The following EVC variants were observed in gnomAD, a reference collection of about 807,000 sequenced individuals.
EVC encodes evC complex member EVC.
In EVC, 116 loss-of-function variants were observed where a neutral mutation model predicts 118.9. That is an observed-to-expected ratio of 0.98 (90% CI 0.84 to 1.14). The LOEUF is 1.14. EVC is among the 50% of genes most tolerant of loss of function. The pLI is 0.00. For missense variants in EVC, 1,401 were observed against 1,246.4 expected (o/e 1.12, Z -1.87); for synonymous variants, 619 against 534.7 (o/e 1.16, Z -2.18).
chr4:5,805,722 A>G (rs543649930), intron 17 of EVC, among the ~76,000 whole-genome samples: 1 of 152,202 alleles, frequency 6.6e-6, no homozygotes, highest in African/African-American at 2.4e-5. Flanking sequence ...GATCCAAGAG[A>G]AGGAGCCTCA....
rs1039097904 is a variant in EVC, at chr4:5,738,436, G to A, written c.703-3280G>A. On this transcript the variant is annotated intron_variant, in intron 5 of 20. Coordinates refer to ENST00000264956, the MANE Select transcript of EVC (RefSeq NM_153717.3). The surrounding 1 kb of genome is among the most constrained non-coding windows in gnomAD (Gnocchi z 6.5). ...AAATTGCTATCGAATAGCATGGCAC[G>A]CTGCAGAGAAATCTTTTGTGAAAGG... 1.3e-5 allele frequency among the ~76,000 whole-genome samples: 2 copies of A among 152,068 alleles called. No homozygotes were observed. The highest frequency in any genetic ancestry group is 6.6e-5 in the Admixed American group (1 of 15,254).
intron 11 of EVC, among the ~76,000 whole-genome samples, chr4:5,764,595 A>G (rs1162993387): frequency 6.7e-6 from 1 of 150,218 alleles, no homozygotes; most frequent in African/African-American, 2.5e-5. Flanking sequence ...TTATTGGTCT[A>G]TTCAGAGATT....
Position 5,797,243 on chromosome 4 carries a change from C to T in EVC, c.2097+11C>T. The stretch of plus-strand genomic sequence containing the variant: ...CTGCTCAGGGCCCTGGTAAGACCAG[C>T]ATGGTGGCCCCACCCATTCCAGACA... On this transcript the variant is annotated intron_variant, in intron 14 of 20. Coordinates refer to ENST00000264956, the MANE Select transcript of EVC (RefSeq NM_153717.3). The T allele has an allele frequency of 1.3e-6, 2 of 1,594,018 alleles. No homozygotes were observed. The highest frequency in any genetic ancestry group is 8.5e-7 in the Non-Finnish European group (1 of 1,170,472).
the EVC span, chr4:5,821,328 G>C: frequency 6.0e-6 from 1 of 167,298 alleles, no homozygotes; most frequent in Non-Finnish European, 1.3e-5. The surrounding 1 kb of genome is among the most constrained non-coding windows in gnomAD (Gnocchi z 4.4). Context: ...GTCTCAGTCA[G>C]TCCTTGGCGA....
chr4:5,761,218 A>C (rs1408164440), intron 11 of EVC, among the ~76,000 whole-genome samples: 1 of 152,024 alleles, frequency 6.6e-6, no homozygotes, highest in Admixed American at 6.5e-5. Flanking sequence ...GACCTGGCAC[A>C]TGGTAGGTGC....
chr4:5,808,734 G>A (rs1305526113), intron 18 of EVC, among the ~76,000 whole-genome samples: 1 of 152,230 alleles, frequency 6.6e-6, no homozygotes, highest in African/African-American at 2.4e-5. Flanking sequence ...CAGCAAACAG[G>A]AAGCTCAGCT....
chr4:5,711,895 G>T lies in EVC; in HGVS notation c.174+341G>T, dbSNP rs1436535888. The stretch of plus-strand genomic sequence containing the variant: ...CGCCATGGTGGACAGAAGGACGGCT[G>T]GGGCTCCCACGCCTGAATGCCTATT... On this transcript the variant is annotated intron_variant, in intron 1 of 20. Coordinates refer to ENST00000264956, the MANE Select transcript of EVC (RefSeq NM_153717.3). Among the ~76,000 whole-genome samples, 3 of 152,206 alleles carry T rather than the reference G, an allele frequency of 2.0e-5. No homozygotes were observed. The East Asian group carries it at 5.8e-4, about 29-fold the overall frequency.
Position 5,753,840 on chromosome 4 carries a change from G to T in EVC, c.1371G>T (p.Glu457Asp). ...CGGCGTCTCTGGCTCACCAGGTGGAGGGAACGGCAAAACTCACGCTGGCCC... is the reference window on the plus strand; with the variant it reads ...CGGCGTCTCTGGCTCACCAGGTGGATGGAACGGCAAAACTCACGCTGGCCC... ...LVTASLAHQVEGTAKLTLAQE... is the reference protein window; with the variant it reads ...LVTASLAHQVDGTAKLTLAQE... The change falls in exon 10 of 21, where the codon GAG (glutamate) becomes GAT (aspartate). Residue 457 changes from glutamate (E) to aspartate (D), a missense_variant. By Grantham distance (45) the Glu-to-Asp change is conservative (BLOSUM62 2). Transcript: ENST00000264956. 6.2e-7 allele frequency: 1 copy of T among 1,614,116 alleles called. No individual in the cohort carries two copies. Among genetic ancestry groups the T allele is most frequent in the Non-Finnish European group, 8.5e-7 (1 of 1,180,006 alleles).
At chr4:5,751,122 G>A (rs1405940111) in intron 8 of EVC, among the ~76,000 whole-genome samples, 1 of 152,182 alleles carries the variant, frequency 6.6e-6, no homozygotes, top group Non-Finnish European at 1.5e-5. Context: ...CACTCAGGGA[G>A]GCTCACTGTT....
chr4:5,820,943 C>T, the EVC span: 1 of 152,298 alleles, frequency 6.6e-6, no homozygotes, highest in East Asian at 1.9e-4. Context: ...TCAGAGGGAC[C>T]AGGACTCAGG....
chr4:5,794,474 T>C lies in EVC; in HGVS notation c.1886+757T>C, dbSNP rs1431436758. The stretch of plus-strand genomic sequence containing the variant: ...CAGGCTAGTGTCCAGTGGTGCAATC[T>C]TGGCTCACTGCAACTTCCCTCTGCC... On this transcript the variant is annotated intron_variant, in intron 13 of 20. Coordinates refer to ENST00000264956, the MANE Select transcript of EVC (RefSeq NM_153717.3). 2.7e-5 allele frequency among the ~76,000 whole-genome samples: 4 copies of C among 150,788 alleles called. No homozygotes were observed. The Admixed American group carries it at 2.7e-4, about 10-fold the overall frequency.
chr4:5,753,154 T>C, intron 9 of EVC, 102 bp downstream of exon 9: 1 of 1,154,128 alleles, frequency 8.7e-7, no homozygotes, highest in Non-Finnish European at 1.3e-6. Context: ...GTGCCCATGA[T>C]GCCGGGCACA....
chr4:5,751,047 C>A (rs137999374), intron 8 of EVC, among the ~76,000 whole-genome samples: 1 of 152,018 alleles, frequency 6.6e-6, no homozygotes, highest in Non-Finnish European at 1.5e-5. Flanking sequence ...TCTTGAGACT[C>A]ACAGGAAAAA....
At chr4:5,760,454 C>A (rs1190709502) in intron 11 of EVC, among the ~76,000 whole-genome samples, 2 of 151,988 alleles carry the variant, frequency 1.3e-5, no homozygotes, top group African/African-American at 4.8e-5. Flanking sequence ...GAGTCTCTCT[C>A]CTAGGAGGAG....
rs531961769 is a variant in EVC, at chr4:5,721,865, T to C, written c.300+2492T>C. Reference sequence around the variant, plus strand: ...TTAAGTGACAGAGCAAGACTCTGTCTCAAAATAAATAAATAAAGTTGACTA... The same window carrying C: ...TTAAGTGACAGAGCAAGACTCTGTCCCAAAATAAATAAATAAAGTTGACTA... On this transcript the variant is annotated intron_variant, in intron 2 of 20. Transcript: ENST00000264956. Among the ~76,000 whole-genome samples, 307 of 152,254 alleles carry C rather than the reference T, an allele frequency of 2.0e-3. 2 individuals carry two copies. The highest frequency in any genetic ancestry group is 7.1e-3 in the African/African-American group (294 of 41,536).
At chr4:5,828,729 T>G in the EVC span, 1 of 1,561,304 alleles carries the variant, frequency 6.4e-7, no homozygotes. Context: ...GAGCTGTTCA[T>G]AACAGCGATT....
At position 5,743,711 on chromosome 4, in the gene EVC, C is replaced by T. The variant is rs1186749977; in HGVS notation, c.802-1493C>T. On this transcript the variant is annotated intron_variant, in intron 6 of 20. Transcript: ENST00000264956. The surrounding 1 kb of genome is among the most constrained non-coding windows in gnomAD (Gnocchi z 4.7). ...AGGAGGAAGGACATCATCATCTTCA[C>T]TGTCATCCTCAGTATCACCACCATG... is the stretch of plus-strand genomic sequence containing the variant. Among the ~76,000 whole-genome samples, 83 of 152,222 alleles carry T rather than the reference C, an allele frequency of 5.5e-4. No individual in the cohort carries two copies. The highest frequency in any genetic ancestry group is 8.8e-5 in the Non-Finnish European group (6 of 68,050).
At chr4:5,818,147 TG>T (rs1163472618), downstream of EVC, among the ~76,000 whole-genome samples, 2 of 152,184 alleles carry the variant, frequency 1.3e-5, no homozygotes, top group African/African-American at 4.8e-5. Context: ...AGAGGTCTGA[TG>T]GTTTAGAAGG....
chr4:5,821,858 G>C, the EVC span: 3 of 1,562,588 alleles, frequency 1.9e-6, no homozygotes, highest in African/African-American at 3.2e-5. The surrounding 1 kb of genome is among the most constrained non-coding windows in gnomAD (Gnocchi z 4.4). Context: ...GCACCTGAAA[G>C]AGAGCGCCAA....
Sources: gnomAD v4.1 joint callset for allele counts (sites outside exome capture counted in the v4.1 genomes callset) on GRCh38, gnomAD v4.1.1 for gene constraint, Gnocchi (gnomAD v3.1) non-coding constraint, MANE v1.5 for transcripts, NCBI Gene and HGNC (gene_info 2026-07-23, HGNC 2026-07-21) for gene names.